CCNY: variants seen among roughly 807,000 people sequenced by gnomAD.
CCNY encodes the protein cyclin Y.
In CCNY, 19 loss-of-function variants were observed where a neutral mutation model predicts 42.8. That is an observed-to-expected ratio of 0.44 (90% confidence interval 0.31 to 0.65). The LOEUF is 0.65. Among genes scored for constraint, CCNY ranks in the 30% least tolerant of loss-of-function variants. The pLI, the probability that CCNY is intolerant of heterozygous loss-of-function variation, is 0.07. For synonymous variants in CCNY, 165 were observed against 162.7 expected (o/e 1.01, Z -0.11); for missense variants, 370 against 437.3 (o/e 0.85, Z 1.37).
intron 1 of CCNY, among the ~76,000 whole-genome samples, chr10:35,369,051 C>T (rs1459790432): frequency 6.6e-6 from 1 of 152,218 alleles, no homozygotes; most frequent in Non-Finnish European, 1.5e-5. Context: ...TGGTGATTTA[C>T]ATCGTGGAGA....
intron 2 of CCNY, among the ~76,000 whole-genome samples, chr10:35,495,150 C>G (rs1157296862): frequency 6.6e-6 from 1 of 152,126 alleles, no homozygotes; most frequent in Non-Finnish European, 1.5e-5. Context: ...TAAGGATACT[C>G]TGTGTGTGTG....
chr10:35,531,183 T>C (rs887275397), intron 7 of CCNY, among the ~76,000 whole-genome samples: 1 of 152,256 alleles, frequency 6.6e-6, no homozygotes, highest in Non-Finnish European at 1.5e-5. Flanking sequence ...CCTTTTACAT[T>C]GTGTATAACT....
intron 3 of CCNY, among the ~76,000 whole-genome samples, chr10:35,327,978 C>T (rs1033811411): frequency 2.0e-5 from 3 of 152,134 alleles, no homozygotes; most frequent in African/African-American, 7.2e-5. Flanking sequence ...TGTGTTTTTC[C>T]GTTCCTTTAG....
intron 1 of CCNY, among the ~76,000 whole-genome samples, chr10:35,457,657 T>G (rs1201965717): frequency 2.6e-5 from 4 of 151,978 alleles, no homozygotes; most frequent in Non-Finnish European, 4.4e-5. Context: ...CTCGGCTCAA[T>G]GCAAGCTTCA....
chr10:35,322,353 C>CAA (rs34956470), intron 3 of CCNY, among the ~76,000 whole-genome samples: 3 of 101,754 alleles, frequency 2.9e-5, no homozygotes, highest in Non-Finnish European at 6.1e-5. Flanking sequence ...GACTCTGTCT[C>CAA]AAAAAAAAAA....
chr10:35,497,009 C>T (rs1019776024), intron 2 of CCNY, among the ~76,000 whole-genome samples: 1 of 152,154 alleles, frequency 6.6e-6, no homozygotes, highest in South Asian at 2.1e-4. Flanking sequence ...GGTCCATTTT[C>T]TGTTTACATC....
At chr10:35,460,503 AT>A (rs1264127476) in intron 1 of CCNY, among the ~76,000 whole-genome samples, 1 of 152,160 alleles carries the variant, frequency 6.6e-6, no homozygotes, top group African/African-American at 2.4e-5. Context: ...TTTTGTGGAA[AT>A]TGGAATTTAT....
At chr10:35,334,520 G>T (rs1006272633), upstream of CCNY, among the ~76,000 whole-genome samples, 1 of 151,646 alleles carries the variant, frequency 6.6e-6, no homozygotes, top group Non-Finnish European at 1.5e-5. Flanking sequence ...CCAGGAAGCA[G>T]GAAAATCTAC....
At chr10:35,444,264 T>C (rs1838741140) in intron 1 of CCNY, among the ~76,000 whole-genome samples, 1 of 151,660 alleles carries the variant, frequency 6.6e-6, no homozygotes. Context: ...TTTTTTTTTT[T>C]TGGAGACGGA....
chr10:35,391,382 A>C (rs1837409824), intron 1 of CCNY, among the ~76,000 whole-genome samples: 1 of 152,158 alleles, frequency 6.6e-6, no homozygotes, highest in African/African-American at 2.4e-5. Flanking sequence ...AAGGTGACTT[A>C]GGTCAGAGCA....
chr10:35,483,528 C>A, intron 2 of CCNY, 50 bp downstream of exon 2: 1 of 1,172,936 alleles, frequency 8.5e-7, no homozygotes, highest in Non-Finnish European at 1.3e-6. Context: ...CATGTTGGTA[C>A]TTCGCCTAGT....
At chr10:35,489,204 T>G (rs559334287) in intron 2 of CCNY, among the ~76,000 whole-genome samples, 70 of 152,336 alleles carry the variant, frequency 4.6e-4, no homozygotes, top group African/African-American at 1.5e-3. Flanking sequence ...TGAAATATTT[T>G]TTGGAAAAAC....
intron 3 of CCNY, among the ~76,000 whole-genome samples, chr10:35,275,056 CTTTTTT>C (rs34467762): frequency 2.2e-4 from 14 of 64,880 alleles, no homozygotes; most frequent in African/African-American, 2.8e-4. Context: ...ACCGTCATTC[CTTTTTT>C]TTTTTTTTTT....
intron 1 of CCNY, among the ~76,000 whole-genome samples, chr10:35,459,288 G>A (rs1273768301): frequency 6.6e-6 from 1 of 152,248 alleles, no homozygotes; most frequent in African/African-American, 2.4e-5. Flanking sequence ...CAAAGGTGTA[G>A]ATAGACCAAG....
At chr10:35,307,813 T>C (rs1835630110) in intron 3 of CCNY, among the ~76,000 whole-genome samples, 1 of 71,018 alleles carries the variant, frequency 1.4e-5, no homozygotes, top group African/African-American at 4.3e-5. Context: ...TATATATATA[T>C]ATATATTTTT....
At chr10:35,263,504 G>C (rs1005957823) in intron 3 of CCNY, among the ~76,000 whole-genome samples, 10 of 151,304 alleles carry the variant, frequency 6.6e-5, no homozygotes, top group African/African-American at 2.4e-4. Flanking sequence ...TGGTGTCACC[G>C]TACTCCAGCC....
chr10:35,492,910 A>G (rs923788393), intron 2 of CCNY, among the ~76,000 whole-genome samples: 8 of 151,982 alleles, frequency 5.3e-5, no homozygotes, highest in African/African-American at 1.2e-4. Flanking sequence ...GGGCTTTCCT[A>G]TTCCGGGTCA....
chr10:35,496,845 A>G (rs1002668367), intron 2 of CCNY, among the ~76,000 whole-genome samples: 3 of 152,208 alleles, frequency 2.0e-5, no homozygotes, highest in Non-Finnish European at 1.5e-5. Flanking sequence ...GTGGCAAGAG[A>G]GTGTCCCATA....
chr10:35,397,864 A>G (rs1270426105), intron 1 of CCNY, among the ~76,000 whole-genome samples: 1 of 152,132 alleles, frequency 6.6e-6, no homozygotes, highest in Admixed American at 6.5e-5. Context: ...GATTAAAGAG[A>G]GGACCTTAAA....
Sources: gnomAD v4.1 joint callset for allele counts (sites outside exome capture counted in the v4.1 genomes callset) on GRCh38, gnomAD v4.1.1 for gene constraint, MANE v1.5 for transcripts, NCBI Gene and HGNC (gene_info 2026-07-23, HGNC 2026-07-21) for gene names.